Variants in KCNH1 observed in about 807,000 individuals in gnomAD.
The protein encoded by KCNH1 is voltage-gated delayed rectifier potassium channel KCNH1.
A neutral mutation model predicts 69.2 loss-of-function variants in KCNH1; 27 were observed. That is an observed-to-expected ratio of 0.39 (90% CI 0.29 to 0.54). The LOEUF (loss-of-function observed/expected upper bound fraction) is 0.54, where lower values mean the gene tolerates loss of function less well. Among genes scored for constraint, KCNH1 ranks in the 20% least tolerant of loss-of-function variants. KCNH1 has a pLI of 0.68. For missense variants in KCNH1, 798 were observed against 1,261.6 expected (o/e 0.63, Z 5.57); for synonymous variants, 456 against 487.7 (o/e 0.93, Z 0.86).
chr1:210,983,053 C>T (rs950279522), intron 6 of KCNH1, among the ~76,000 whole-genome samples: 4 of 152,238 alleles, frequency 2.6e-5, no homozygotes, highest in African/African-American at 7.2e-5. Context: ...TGTTTTTTGG[C>T]TGCATAAATG....
At chr1:210,787,335 C>T (rs1044048265) in intron 9 of KCNH1, among the ~76,000 whole-genome samples, 2 of 152,156 alleles carry the variant, frequency 1.3e-5, no homozygotes, top group South Asian at 2.1e-4. Flanking sequence ...CTCATAGCCG[C>T]TGGATTAGAT....
chr1:210,767,213 C>A (rs1683654096), intron 10 of KCNH1, among the ~76,000 whole-genome samples: 1 of 152,238 alleles, frequency 6.6e-6, no homozygotes, highest in African/African-American at 2.4e-5. Context: ...CATCCTTTGA[C>A]AGCCTTCTAG....
chr1:210,782,400 C>G (rs922468793), intron 9 of KCNH1, among the ~76,000 whole-genome samples: 1 of 152,094 alleles, frequency 6.6e-6, no homozygotes, highest in African/African-American at 2.4e-5. Context: ...TAGATGATAA[C>G]TGGGTCATGA....
chr1:210,693,508 A>G (rs1681569051), intron 10 of KCNH1, among the ~76,000 whole-genome samples: 1 of 152,208 alleles, frequency 6.6e-6, no homozygotes, highest in African/African-American at 2.4e-5. Flanking sequence ...AATCACAGAT[A>G]TGGAGGGGAT....
chr1:210,702,681 ACT>A (rs1446619335), intron 10 of KCNH1, among the ~76,000 whole-genome samples: 1 of 152,158 alleles, frequency 6.6e-6, no homozygotes, highest in Non-Finnish European at 1.5e-5. Flanking sequence ...CCATATAAGG[ACT>A]TTAAGCCAAC....
chr1:210,764,100 A>G (rs1172950667), intron 10 of KCNH1, among the ~76,000 whole-genome samples: 1 of 152,194 alleles, frequency 6.6e-6, no homozygotes, highest in Non-Finnish European at 1.5e-5. Context: ...GACAAAGCCA[A>G]CAAAAATAAA....
At chr1:210,730,396 G>T (rs961432123) in intron 10 of KCNH1, among the ~76,000 whole-genome samples, 1 of 152,002 alleles carries the variant, frequency 6.6e-6, no homozygotes, top group Non-Finnish European at 1.5e-5. Flanking sequence ...TGACAGGGGA[G>T]GTTAAACAAA....
intron 7 of KCNH1, among the ~76,000 whole-genome samples, chr1:210,834,269 A>G (rs1432350827): frequency 1.3e-5 from 2 of 150,882 alleles, no homozygotes; most frequent in African/African-American, 4.9e-5. Context: ...ACAATAGCAA[A>G]GACTTGGAAC....
chr1:210,854,295 C>T (rs927641615), intron 7 of KCNH1, among the ~76,000 whole-genome samples: 2 of 152,038 alleles, frequency 1.3e-5, no homozygotes, highest in Non-Finnish European at 2.9e-5. Context: ...AAGGGGTATC[C>T]CCTCAATGTA....
At chr1:211,129,962 T>C (rs1691847792) in intron 1 of KCNH1, among the ~76,000 whole-genome samples, 1 of 152,216 alleles carries the variant, frequency 6.6e-6, no homozygotes, top group South Asian at 2.1e-4. Flanking sequence ...CTAAAACATA[T>C]GTTCTGCCCA....
At chr1:210,839,182 G>A (rs1685353481) in intron 7 of KCNH1, among the ~76,000 whole-genome samples, 1 of 152,114 alleles carries the variant, frequency 6.6e-6, no homozygotes. Flanking sequence ...GTGACAGACT[G>A]GATAAAGAAA....
chr1:210,679,339 C>G lies in KCNH1; in HGVS notation c.*3942G>C, dbSNP rs1574174008. ...GAGAGAGGAAGGGGCATTGGCAGCT[C>G]TATCACAGCTGGAGTTCCATTCAAG... On this transcript the variant is annotated 3_prime_UTR_variant, in exon 11 of 11. Transcript: ENST00000271751. The G allele has an allele frequency of 6.6e-6, 1 of 152,194 alleles. No individual in the cohort carries two copies. The highest frequency in any genetic ancestry group is 2.4e-5 in the African/African-American group (1 of 41,434). The allele number at this position is 152,194 out of a possible 1,614,324, so 9.4% of individuals were successfully genotyped here.
rs765170558 is a variant in KCNH1, at chr1:211,035,236, C to CTTTTTTT, written c.559-15987_559-15981dup. The stretch of plus-strand genomic sequence containing the variant: ...ATTTAAACCATAGGGTACTGGCATT[C>CTTTTTTT]TTTTTTTTTTTTTTTTTTTTTTTTT... On this transcript the variant is annotated intron_variant, in intron 5 of 10. Transcript: ENST00000271751. Among the ~76,000 whole-genome samples, 29 of 75,056 alleles carry CTTTTTTT rather than the reference C, an allele frequency of 3.9e-4. 3 individuals are homozygous for CTTTTTTT. The highest frequency in any genetic ancestry group is 5.7e-4 in the African/African-American group (10 of 17,682). 49.2% of individuals were successfully genotyped at this position (75,056 alleles called of 152,430 possible).
At chr1:210,754,228 G>A (rs1259260343) in intron 10 of KCNH1, among the ~76,000 whole-genome samples, 3 of 151,960 alleles carry the variant, frequency 2.0e-5, no homozygotes, top group Admixed American at 2.0e-4. Flanking sequence ...CCAGACTAAT[G>A]TTTATCTCTG....
chr1:210,949,514 G>A (rs1008490128), intron 6 of KCNH1, among the ~76,000 whole-genome samples: 5 of 152,134 alleles, frequency 3.3e-5, no homozygotes, highest in Admixed American at 1.3e-4. Flanking sequence ...CAATTGTTAC[G>A]TCCCAGTCTG....
At chr1:211,101,369 A>G (rs1275495928) in intron 3 of KCNH1, among the ~76,000 whole-genome samples, 1 of 152,246 alleles carries the variant, frequency 6.6e-6, no homozygotes, top group African/African-American at 2.4e-5. Flanking sequence ...GGCTTAACAA[A>G]TAAGTTCAAG....
At chr1:210,692,535 T>A (rs993764695) in intron 10 of KCNH1, among the ~76,000 whole-genome samples, 3 of 152,124 alleles carry the variant, frequency 2.0e-5, no homozygotes, top group African/African-American at 7.2e-5. Flanking sequence ...ACACATCCAC[T>A]CAGAACTTCA....
At chr1:210,934,797 G>C (rs1471293584) in intron 6 of KCNH1, among the ~76,000 whole-genome samples, 1 of 151,680 alleles carries the variant, frequency 6.6e-6, no homozygotes, top group African/African-American at 2.4e-5. Flanking sequence ...TTGCTAGTGA[G>C]GATGAGACGA....
chr1:210,941,992 A>G (rs1687885039), intron 6 of KCNH1, among the ~76,000 whole-genome samples: 2 of 152,198 alleles, frequency 1.3e-5, no homozygotes, highest in African/African-American at 2.4e-5. Flanking sequence ...CCATTCCATG[A>G]AGCAACTGAG....
Sources: allele counts gnomAD v4.1 joint callset (sites outside exome capture counted in the v4.1 genomes callset), GRCh38; gene constraint gnomAD v4.1.1; transcripts MANE v1.5; gene names NCBI Gene and HGNC (gene_info 2026-07-23, HGNC 2026-07-21).